ARMC2: variants seen among roughly 807,000 people sequenced by gnomAD.
ARMC2 encodes armadillo repeat containing 2, also known as armadillo repeat-containing protein 2.
A neutral mutation model predicts 90.3 loss-of-function variants in ARMC2; 67 were observed. The ratio of observed to expected loss-of-function variants is 0.74; its 90% CI spans 0.61 to 0.91. The LOEUF is 0.91. ARMC2 is among the 40% of genes least tolerant of loss of function. The probability of loss-of-function intolerance (pLI) is 0.00; values close to 1 mark genes in which losing one functional copy is unlikely to be tolerated. For missense variants in ARMC2, 920 were observed against 1,030.9 expected (o/e 0.89, Z 1.47); for synonymous variants, 393 against 393.0 (o/e 1.00, Z 0.00).
chr6:108,981,612 A>G, the ARMC2 span, among the ~76,000 whole-genome samples: 1 of 151,638 alleles, frequency 6.6e-6, no homozygotes, highest in African/African-American at 2.4e-5. Context: ...TTAGCATAAT[A>G]CTATCAAGGT....
intron 10 of ARMC2, among the ~76,000 whole-genome samples, chr6:108,926,320 C>G (rs1470605800): frequency 1.3e-5 from 2 of 152,142 alleles, no homozygotes. Context: ...CAGTAGTGCT[C>G]CGGTGCCTGG....
Position 108,940,485 on chromosome 6 carries a change from G to T in ARMC2, c.1596+3486G>T, listed in dbSNP as rs139912651. ...ACCAGGTGTGATGTTTACATAGCACGCAGGGAAGGTGGCCACCCCAACCTA... is the reference window on the plus strand; with the variant it reads ...ACCAGGTGTGATGTTTACATAGCACTCAGGGAAGGTGGCCACCCCAACCTA... On this transcript the variant is annotated intron_variant, in intron 12 of 17. Coordinates refer to ENST00000392644, the MANE Select transcript of ARMC2 (RefSeq NM_032131.6). Among the ~76,000 whole-genome samples the T allele has an allele frequency of 6.2e-4, 94 of 152,280 alleles. 1 individual carries two copies. In the East Asian group the frequency reaches 0.016, roughly 26 times the overall value.
chr6:109,042,520 A>AG, the ARMC2 span, among the ~76,000 whole-genome samples: 1 of 149,860 alleles, frequency 6.7e-6, no homozygotes, highest in East Asian at 1.9e-4. Context: ...AATGAAACAG[A>AG]GGATTATTGC....
intron 12 of ARMC2, among the ~76,000 whole-genome samples, chr6:108,950,276 C>A (rs1277707815): frequency 1.3e-5 from 2 of 152,080 alleles, no homozygotes; most frequent in East Asian, 3.8e-4. Context: ...TGGGTATATA[C>A]CCAAAGGAAT....
the ARMC2 span, among the ~76,000 whole-genome samples, chr6:109,025,039 C>A: frequency 6.6e-6 from 1 of 152,006 alleles, no homozygotes; most frequent in African/African-American, 2.4e-5. Context: ...CCCCAGGGAC[C>A]TAGAGCAGCA....
At position 108,920,070 on chromosome 6, in the gene ARMC2, G is replaced by C. The variant is rs1313301151; in HGVS notation, c.1350+7512G>C. 2.0e-5 allele frequency among the ~76,000 whole-genome samples: 3 copies of C among 152,164 alleles called. No homozygotes were observed. The East Asian group carries it at 5.8e-4, about 29-fold the overall frequency. On this transcript the variant is annotated intron_variant, in intron 10 of 17. Transcript: ENST00000392644. ...TATGGATATGCCATAGTTACCTAGAGTACTATATCTGGTTTATTTTGCTTA... is the reference window on the plus strand; with the variant it reads ...TATGGATATGCCATAGTTACCTAGACTACTATATCTGGTTTATTTTGCTTA...
At chr6:109,049,324 AAAAAGTTGATCTCATGGAAGT>A in the ARMC2 span, among the ~76,000 whole-genome samples, 2 of 152,184 alleles carry the variant, frequency 1.3e-5, no homozygotes, top group African/African-American at 4.8e-5. Flanking sequence ...AGCCAAAAAA[AAAAAGTTGATCTCATGGAAGT>A]AAAAGGTAGA....
Position 108,889,786 on chromosome 6 carries a change from C to T in ARMC2, c.672-4681C>T, listed in dbSNP as rs183544357. 3.4e-3 allele frequency among the ~76,000 whole-genome samples: 522 copies of T among 151,924 alleles called. 2 individuals are homozygous for T. The highest frequency in any genetic ancestry group is 5.9e-3 in the Non-Finnish European group (402 of 67,998). On this transcript the variant is annotated intron_variant, in intron 5 of 17. Transcript: ENST00000392644. ...TTAAGGCCCATTTTGTAGTCCACTT[C>T]TCCCACTCACTAATCACTTCCTTCT...
intron 10 of ARMC2, 74 bp downstream of exon 10, chr6:108,912,632 T>C: frequency 2.2e-6 from 3 of 1,395,048 alleles, no homozygotes; most frequent in Non-Finnish European, 3.0e-6. Flanking sequence ...TTTAAAAGAA[T>C]GGCATGCAAG....
chr6:109,007,556 C>G, the ARMC2 span, among the ~76,000 whole-genome samples: 2 of 152,158 alleles, frequency 1.3e-5, no homozygotes, highest in East Asian at 3.9e-4. Context: ...AACATTTCAA[C>G]AAGGTAAAGA....
chr6:108,909,866 G>A (rs17069992), intron 8 of ARMC2, among the ~76,000 whole-genome samples: 2,236 of 152,194 alleles, frequency 0.015, 65 homozygotes, highest in African/African-American at 0.052. Context: ...GATGTTACTT[G>A]TGATTATCTC....
At chr6:108,982,151 T>C in the ARMC2 span, among the ~76,000 whole-genome samples, 1 of 152,230 alleles carries the variant, frequency 6.6e-6, no homozygotes, top group Non-Finnish European at 1.5e-5. Flanking sequence ...CTTTTGTGTA[T>C]ATACTCAGAA....
chr6:108,965,124 G>A lies in ARMC2; in HGVS notation c.2430G>A (p.Leu810=). Residue 810 remains leucine (L), a synonymous_variant, in exon 17 of 18, where the codon TTG becomes TTA. Coordinates refer to ENST00000392644, the MANE Select transcript of ARMC2 (RefSeq NM_032131.6). ...GNEDTNTLLL[L]LSSFLDEELA... ...AAGACACCAACACACTCTTACTCTT[G>A]CTCTCATCATTTTTAGGTAAGACTC... 6.2e-7 allele frequency: 1 copy of A among 1,606,216 alleles called. No homozygotes were observed. Among genetic ancestry groups the A allele is most frequent in the Non-Finnish European group, 8.5e-7 (1 of 1,173,286 alleles).
chr6:108,964,646 C>T (rs1037508654), intron 16 of ARMC2, among the ~76,000 whole-genome samples: 4 of 152,084 alleles, frequency 2.6e-5, no homozygotes, highest in Admixed American at 6.5e-5. Flanking sequence ...TTGTGGCACA[C>T]GCCTGTAATC....
At chr6:108,925,042 A>G (rs960735325) in intron 10 of ARMC2, among the ~76,000 whole-genome samples, 12 of 152,126 alleles carry the variant, frequency 7.9e-5, no homozygotes, top group African/African-American at 2.9e-4. Context: ...CCCCTTCCAG[A>G]GAGTTCATTT....
At chr6:108,874,046 G>A (rs1224707202) in intron 4 of ARMC2, among the ~76,000 whole-genome samples, 1 of 152,176 alleles carries the variant, frequency 6.6e-6, no homozygotes, top group Non-Finnish European at 1.5e-5. Flanking sequence ...AAGGCTGCTG[G>A]GAGCTGTCTC....
chr6:108,853,895 C>T (rs1468299561), intron 1 of ARMC2, among the ~76,000 whole-genome samples: 1 of 152,164 alleles, frequency 6.6e-6, no homozygotes. Context: ...AACATTTTAA[C>T]AGAACCCTCA....
intron 5 of ARMC2, among the ~76,000 whole-genome samples, chr6:108,878,053 G>A (rs928275743): frequency 1.1e-4 from 17 of 152,036 alleles, no homozygotes; most frequent in African/African-American, 1.7e-4. Context: ...TCCTTTAATC[G>A]TTGGGTGGAA....
chr6:108,854,156 G>A (rs1774286625), intron 1 of ARMC2, 69 bp from the exon 2 acceptor site: 4 of 772,590 alleles, frequency 5.2e-6, no homozygotes, highest in Non-Finnish European at 4.1e-6. Flanking sequence ...TATATGGATG[G>A]GCTTAAGCAT....
Sources: allele counts gnomAD v4.1 joint callset (sites outside exome capture counted in the v4.1 genomes callset), GRCh38; gene constraint gnomAD v4.1.1; transcripts MANE v1.5; gene names NCBI Gene and HGNC (gene_info 2026-07-23, HGNC 2026-07-21).